PDE1A: variants seen among roughly 807,000 people sequenced by gnomAD.
The protein encoded by PDE1A is dual specificity calcium/calmodulin-dependent 3',5'-cyclic nucleotide phosphodiesterase 1A.
PDE1A carries 35 observed loss-of-function variants against 61.7 expected under a neutral mutation model. That is an observed-to-expected ratio of 0.57 (90% CI 0.43 to 0.75). The LOEUF (loss-of-function observed/expected upper bound fraction) is 0.75. Ranked by LOEUF, PDE1A falls within the 30% of genes least tolerant of loss-of-function variation. PDE1A has a pLI of 0.00. For missense variants in PDE1A, 597 were observed against 630.6 expected, an observed-to-expected ratio of 0.95 and a Z score of 0.57; for synonymous variants, 232 against 213.2, an observed-to-expected ratio of 1.09 and a Z score of -0.77.
At chr2:182,597,810 C>A in the PDE1A span, among the ~76,000 whole-genome samples, 17 of 152,200 alleles carry the variant, frequency 1.1e-4, no homozygotes, top group Admixed American at 2.6e-4. Flanking sequence ...AGCTCAGAAA[C>A]AATCCTTCCA....
intron 2 of PDE1A, among the ~76,000 whole-genome samples, chr2:182,257,283 C>T (rs1691889620): frequency 6.6e-6 from 1 of 152,102 alleles, no homozygotes; most frequent in East Asian, 1.9e-4. Context: ...CATGGTAGCC[C>T]ATTTTGATAT....
chr2:182,690,050 C>T, the PDE1A span, among the ~76,000 whole-genome samples: 2 of 152,012 alleles, frequency 1.3e-5, no homozygotes, highest in African/African-American at 4.8e-5. Flanking sequence ...AGCTTACCAA[C>T]CAAAAAAAGT....
chr2:182,247,731 A>G (rs1031680377), intron 2 of PDE1A, among the ~76,000 whole-genome samples: 3 of 152,230 alleles, frequency 2.0e-5, no homozygotes, highest in Non-Finnish European at 2.9e-5. Context: ...GAATTTTCCT[A>G]TACATTTATC....
chr2:182,248,130 G>A (rs2125717831), intron 2 of PDE1A, among the ~76,000 whole-genome samples: 1 of 151,910 alleles, frequency 6.6e-6, no homozygotes, highest in South Asian at 2.1e-4. Flanking sequence ...GGTGGTGCAT[G>A]CTTGCAATCT....
chr2:182,226,345 T>C (rs1057194242), intron 6 of PDE1A, among the ~76,000 whole-genome samples: 2 of 149,866 alleles, frequency 1.3e-5, no homozygotes, highest in African/African-American at 5.1e-5. Flanking sequence ...TTTACTTTGG[T>C]TCATTTCTGC....
chr2:182,229,641 G>A (rs2125636591), intron 6 of PDE1A, among the ~76,000 whole-genome samples: 1 of 152,214 alleles, frequency 6.6e-6, no homozygotes. Flanking sequence ...GGTCAGGTTA[G>A]GAGCACATAA....
chr2:182,595,264 A>G, the PDE1A span, among the ~76,000 whole-genome samples: 188 of 152,320 alleles, frequency 1.2e-3, 2 homozygotes, highest in African/African-American at 4.4e-3. Context: ...ACAAAAAACA[A>G]TAGGACTATA....
At chr2:182,191,652 C>A (rs940560609) in intron 10 of PDE1A, among the ~76,000 whole-genome samples, 1 of 150,778 alleles carries the variant, frequency 6.6e-6, no homozygotes, top group East Asian at 2.0e-4. Context: ...TTGCACCACC[C>A]TAAATATTAT....
At chr2:182,401,742 G>C (rs528327497) in intron 1 of PDE1A, among the ~76,000 whole-genome samples, 2 of 152,300 alleles carry the variant, frequency 1.3e-5, no homozygotes, top group Admixed American at 1.3e-4. Context: ...AATTGTCTCT[G>C]TTTGCAGATG....
chr2:182,241,025 T>C (rs992440243), intron 2 of PDE1A, among the ~76,000 whole-genome samples: 1 of 152,110 alleles, frequency 6.6e-6, no homozygotes, highest in East Asian at 1.9e-4. Flanking sequence ...AGGTAGTGAA[T>C]AGGAACTGAA....
intron 2 of PDE1A, chr2:182,241,733 A>G: frequency 1.1e-6 from 1 of 876,302 alleles, no homozygotes; most frequent in Non-Finnish European, 1.6e-6. Flanking sequence ...CTGGAGTCAC[A>G]AAGATACGTG....
chr2:182,527,787 T>C (rs1040774858), upstream of PDE1A, among the ~76,000 whole-genome samples: 2 of 152,038 alleles, frequency 1.3e-5, no homozygotes, highest in Non-Finnish European at 2.9e-5. Context: ...AATTGAATCA[T>C]AGGGGTGGTT....
At chr2:182,636,293 C>G in the PDE1A span, among the ~76,000 whole-genome samples, 1 of 151,948 alleles carries the variant, frequency 6.6e-6, no homozygotes, top group Non-Finnish European at 1.5e-5. Flanking sequence ...TAATTTTTAG[C>G]CTGCTGATTA....
chr2:182,168,509 T>C (rs999959046), intron 13 of PDE1A, among the ~76,000 whole-genome samples: 2 of 152,096 alleles, frequency 1.3e-5, no homozygotes, highest in Admixed American at 6.6e-5. Context: ...TCAGTGGTGA[T>C]CTTAAGATGA....
chr2:182,449,742 G>A (rs574781962), intron 2 of PDE1A, among the ~76,000 whole-genome samples: 3 of 151,818 alleles, frequency 2.0e-5, no homozygotes, highest in African/African-American at 7.3e-5. Context: ...TTTGAATGTT[G>A]GTTACATTAC....
chr2:182,343,030 T>C (rs1698295148), intron 1 of PDE1A, among the ~76,000 whole-genome samples: 1 of 152,220 alleles, frequency 6.6e-6, no homozygotes, highest in African/African-American at 2.4e-5. Flanking sequence ...GAAGAATAAA[T>C]GCAACTATAA....
the PDE1A span, among the ~76,000 whole-genome samples, chr2:182,665,032 A>T: frequency 1.3e-5 from 2 of 152,234 alleles, no homozygotes; most frequent in Non-Finnish European, 2.9e-5. Context: ...AATGTTCTTG[A>T]AAATTTTTAA....
chr2:182,448,309 A>G (rs1016449323), intron 2 of PDE1A, among the ~76,000 whole-genome samples: 1 of 145,840 alleles, frequency 6.9e-6, no homozygotes, highest in African/African-American at 2.5e-5. Context: ...AAATCACATC[A>G]TTTGCTTAGT....
At chr2:182,386,269 C>T (rs1370907030) in intron 1 of PDE1A, among the ~76,000 whole-genome samples, 4 of 152,220 alleles carry the variant, frequency 2.6e-5, no homozygotes, top group South Asian at 4.1e-4. Flanking sequence ...GCCGCCACCC[C>T]GTCTGGGAAG....
Sources: allele counts gnomAD v4.1 joint callset (sites outside exome capture counted in the v4.1 genomes callset), GRCh38; gene constraint gnomAD v4.1.1; transcripts MANE v1.5; gene names NCBI Gene and HGNC (gene_info 2026-07-23, HGNC 2026-07-21).